Variants in ASB3 observed in about 807,000 individuals in gnomAD.
ASB3 encodes ankyrin repeat and SOCS box containing 3.
A neutral mutation model predicts 54.5 loss-of-function variants in ASB3; 41 were observed. The ratio of observed to expected loss-of-function variants is 0.75; its 90% confidence interval spans 0.59 to 0.98. The LOEUF (loss-of-function observed/expected upper bound fraction) is 0.98. Among genes scored for constraint, ASB3 ranks in the 50% least tolerant of loss-of-function variants. ASB3 has a pLI of 0.00. For synonymous variants in ASB3, 266 were observed against 221.2 expected (o/e 1.20, Z -1.80); for missense variants, 733 against 620.0 (o/e 1.18, Z -1.94).
At chr2:53,699,044 CATTTATTTCTT>C (rs1669339487) in intron 8 of ASB3, among the ~76,000 whole-genome samples, 1 of 152,162 alleles carries the variant, frequency 6.6e-6, no homozygotes, top group African/African-American at 2.4e-5. Context: ...AAAGAAAGTA[CATTTATTTCTT>C]ACAGTTCTGG....
intron 8 of ASB3, among the ~76,000 whole-genome samples, chr2:53,698,542 T>TA (rs574435018): frequency 1.3e-5 from 2 of 152,220 alleles, no homozygotes; most frequent in Non-Finnish European, 2.9e-5. Context: ...CTTTGCTACT[T>TA]AGTTATTTCT....
At chr2:53,749,101 A>C (rs1287029288) in intron 3 of ASB3, among the ~76,000 whole-genome samples, 1 of 152,132 alleles carries the variant, frequency 6.6e-6, no homozygotes, top group Non-Finnish European at 1.5e-5. Flanking sequence ...TTGTACTGTT[A>C]TTGACTACTT....
At chr2:53,773,983 C>T (rs189024985) in intron 1 of ASB3, among the ~76,000 whole-genome samples, 1 of 152,172 alleles carries the variant, frequency 6.6e-6, no homozygotes, top group Admixed American at 6.5e-5. Context: ...TGCAGTAGGC[C>T]ACGATCGTGC....
At chr2:53,736,238 A>G (rs981492480) in intron 3 of ASB3, among the ~76,000 whole-genome samples, 4 of 152,196 alleles carry the variant, frequency 2.6e-5, no homozygotes, top group African/African-American at 9.7e-5. Context: ...ATGGAAAAGT[A>G]CTCACCTTCT....
intron 8 of ASB3, among the ~76,000 whole-genome samples, chr2:53,697,404 C>T (rs1387500726): frequency 6.6e-6 from 1 of 152,184 alleles, no homozygotes; most frequent in African/African-American, 2.4e-5. Flanking sequence ...AATAGCCATT[C>T]TTTTGTTCCC....
intron 9 of ASB3, among the ~76,000 whole-genome samples, chr2:53,671,669 T>A (rs1165163187): frequency 6.6e-6 from 1 of 151,150 alleles, no homozygotes; most frequent in African/African-American, 2.4e-5. Context: ...TGAGGCAAAA[T>A]AATTGCTTGA....
chr2:53,693,981 G>C lies in ASB3; in HGVS notation c.1272C>G (p.Phe424Leu). 1 of 1,613,558 alleles carries C rather than the reference G, an allele frequency of 6.2e-7. No individual in the cohort carries two copies. The highest frequency in any genetic ancestry group is 8.5e-7 in the Non-Finnish European group (1 of 1,179,602). The stretch of plus-strand genomic sequence containing the variant: ...TCTTCCAATTAGTAAACTCCAAAGT[G>C]AAGATAAGGGTGTCAATGCTGACTG... ...IDSVSIDTLI[F>L]TLEFTNWKTL... Residue 424 changes from phenylalanine (F) to leucine (L), a missense_variant, in exon 9 of 10, where the codon TTC (phenylalanine) becomes TTG (leucine). Transcript: ENST00000263634.
At chr2:53,749,694 G>T (rs566459411) in intron 3 of ASB3, among the ~76,000 whole-genome samples, 1 of 152,006 alleles carries the variant, frequency 6.6e-6, no homozygotes, top group Non-Finnish European at 1.5e-5. Context: ...GACAGCTAAA[G>T]GAAGCCAGTC....
At chr2:53,719,516 G>A (rs1044476366) in intron 5 of ASB3, among the ~76,000 whole-genome samples, 3 of 151,984 alleles carry the variant, frequency 2.0e-5, no homozygotes, top group African/African-American at 7.2e-5. Context: ...TAGCTGCCCT[G>A]CTCTGGCTGG....
intron 2 of ASB3, among the ~76,000 whole-genome samples, chr2:53,755,643 A>G (rs62137610): frequency 0.1 from 15,387 of 152,290 alleles, 921 homozygotes; most frequent in East Asian, 0.16. Context: ...AATAATTTCC[A>G]CAATGCAAGG....
chr2:53,744,619 T>C (rs1672129099), intron 3 of ASB3, among the ~76,000 whole-genome samples: 1 of 152,070 alleles, frequency 6.6e-6, no homozygotes, highest in African/African-American at 2.4e-5. Flanking sequence ...AAGATTAATC[T>C]TCCAGTTGAA....
At chr2:53,748,453 T>C (rs1360841215) in intron 3 of ASB3, 4 of 152,178 alleles carry the variant, frequency 2.6e-5, no homozygotes, top group Non-Finnish European at 4.4e-5. Context: ...ATCACTCCTC[T>C]AGGAAACCCA....
intron 1 of ASB3, chr2:53,767,577 T>C (rs1178185288): frequency 3.4e-6 from 1 of 298,262 alleles, no homozygotes; most frequent in African/African-American, 2.1e-5. Context: ...GCATTGTGGG[T>C]ATTGTAGTTT....
intron 1 of ASB3, among the ~76,000 whole-genome samples, chr2:53,773,806 A>G (rs1295510862): frequency 6.6e-5 from 10 of 151,312 alleles, no homozygotes. Context: ...AGGCCGAGGC[A>G]GGTGGATCAC....
At chr2:53,772,174 C>A (rs541757340) in intron 1 of ASB3, among the ~76,000 whole-genome samples, 1 of 146,456 alleles carries the variant, frequency 6.8e-6, no homozygotes, top group East Asian at 2.0e-4. Flanking sequence ...ATGTAGTTTT[C>A]GTTTTTGTGG....
intron 8 of ASB3, among the ~76,000 whole-genome samples, chr2:53,698,261 T>G (rs56364658): frequency 0.19 from 28,656 of 152,124 alleles, 2,929 homozygotes; most frequent in Non-Finnish European, 0.21. Context: ...AGGGACAGCC[T>G]CAAAGATCTC....
chr2:53,702,420 C>T (rs990676043), intron 7 of ASB3, among the ~76,000 whole-genome samples: 1 of 152,126 alleles, frequency 6.6e-6, no homozygotes, highest in South Asian at 2.1e-4. Context: ...ACTAAGCACA[C>T]AATAAATCCT....
chr2:53,775,541 C>T (rs939216051), intron 1 of ASB3, among the ~76,000 whole-genome samples: 2 of 152,164 alleles, frequency 1.3e-5, no homozygotes, highest in South Asian at 2.1e-4. Context: ...GTGGTGCCAA[C>T]CTCAGCTCAC....
chr2:53,727,942 T>A (rs1267639268), intron 5 of ASB3, among the ~76,000 whole-genome samples: 1 of 152,114 alleles, frequency 6.6e-6, no homozygotes, highest in Non-Finnish European at 1.5e-5. Flanking sequence ...GCCAGGCTGG[T>A]CTCAAACTCC....
Sources: gnomAD v4.1 joint callset for allele counts (sites outside exome capture counted in the v4.1 genomes callset) on GRCh38, gnomAD v4.1.1 for gene constraint, MANE v1.5 for transcripts, NCBI Gene and HGNC (gene_info 2026-07-23, HGNC 2026-07-21) for gene names.